BARD1: variants seen among roughly 807,000 people sequenced by gnomAD.
The protein encoded by BARD1 is BRCA1-associated RING domain protein 1.
In BARD1, 73 loss-of-function variants were observed where a neutral mutation model predicts 77.0. That is an observed-to-expected ratio of 0.95 (90% CI 0.79 to 1.15). The LOEUF is 1.15. Among genes scored for constraint, BARD1 ranks in the 50% most tolerant of loss-of-function variants. The pLI is 0.00. For missense variants in BARD1, 993 were observed against 938.8 expected, an observed-to-expected ratio of 1.06 and a Z score of -0.75; for synonymous variants, 384 against 338.0, an observed-to-expected ratio of 1.14 and a Z score of -1.49.
rs201798163 is a variant in BARD1, at chr2:214,792,367, A to G, written c.294T>C (p.Asn98=). 1 of 1,612,926 alleles carries G rather than the reference A, an allele frequency of 6.2e-7. No homozygotes were observed. Among genetic ancestry groups the G allele is most frequent in the Non-Finnish European group, 8.5e-7 (1 of 1,179,676 alleles). Residue 98 remains asparagine, a synonymous_variant, in exon 3 of 11, where the codon AAT becomes AAC. Transcript: ENST00000260947. ...TPAWIQDLKI[N]RQLDSMIQLC... ...GTTGAATCATGCTGTCCAGTTGTCT[A>G]TTTATCTTCAAGTCTTGTATCCAGG...
intron 6 of BARD1, among the ~76,000 whole-genome samples, chr2:214,766,310 C>T (rs1694191801): frequency 1.3e-5 from 2 of 152,088 alleles, no homozygotes; most frequent in South Asian, 4.1e-4. Flanking sequence ...AATTCAACTG[C>T]CCCGGCCCAA....
In BARD1 at chr2:214,726,844, G is replaced by A. The variant is rs1692105531; in HGVS notation, c.*1832C>T. 4.4e-6 allele frequency: 1 copy of A among 228,514 alleles called. No homozygotes were observed. The allele number at this position is 228,514 out of a possible 1,614,324, so 14.2% of individuals were successfully genotyped here. On this transcript the variant is annotated 3_prime_UTR_variant, in exon 11 of 11. Transcript: ENST00000260947. ...GGAAAAACAACAAAAAGAAGGGAGG[G>A]GTGATAAACCAAGAAAATGAATGAC...
chr2:214,739,603 CTTAAG>C (rs1176078548), intron 9 of BARD1, among the ~76,000 whole-genome samples: 1 of 151,862 alleles, frequency 6.6e-6, no homozygotes, highest in African/African-American at 2.4e-5. Flanking sequence ...TTTTGGAAAA[CTTAAG>C]TAAAAGAACA....
intron 1 of BARD1, among the ~76,000 whole-genome samples, chr2:214,798,119 C>T (rs533728179): frequency 2.6e-5 from 4 of 152,152 alleles, no homozygotes; most frequent in South Asian, 2.1e-4. Context: ...TCAATAAAAA[C>T]AATTCTTCAC....
Position 214,728,776 on chromosome 2 carries a change from T to G in BARD1, c.2234A>C (p.Tyr745Ser), listed in dbSNP as rs1692201900. 1 of 1,614,198 alleles carries G rather than the reference T, an allele frequency of 6.2e-7. No individual in the cohort carries two copies. Among genetic ancestry groups the G allele is most frequent in the Non-Finnish European group, 8.5e-7 (1 of 1,180,026 alleles). ...GCCCTGCCGAACCCTCTCTGGGTGA[T>G]AATTACACAAATCTTCATAGATGAT... ...QYIIYEDLCNYHPERVRQGKV... is the reference protein window; with the variant it reads ...QYIIYEDLCNSHPERVRQGKV... Residue 745 changes from tyrosine to serine, a missense_variant, in exon 11 of 11, where the codon TAT (tyrosine) becomes TCT (serine). Physicochemically the swap from Tyr to Ser is moderately radical, Grantham distance 144 (BLOSUM62 -2). Transcript: ENST00000260947.
Position 214,727,719 on chromosome 2 carries a change from C to G in BARD1, c.*957G>C, listed in dbSNP as rs1427841861. On this transcript the variant is annotated 3_prime_UTR_variant, in exon 11 of 11. Coordinates refer to ENST00000260947, the MANE Select transcript of BARD1 (RefSeq NM_000465.4). ...TTGTAAATCAAGTAATCACCAACTTCTGCCTCCATGCCAACCTAAAAACTT... is the reference window on the plus strand; with the variant it reads ...TTGTAAATCAAGTAATCACCAACTTGTGCCTCCATGCCAACCTAAAAACTT... The G allele has an allele frequency of 4.4e-6, 1 of 228,860 alleles. No homozygotes were observed. Among genetic ancestry groups the G allele is most frequent in the Non-Finnish European group, 8.7e-6 (1 of 115,452 alleles). The allele number at this position is 228,860 out of a possible 1,614,324, so 14.2% of individuals were successfully genotyped here.
In BARD1 at chr2:214,781,200, T is replaced by C. The variant is rs769611057; in HGVS notation, c.674A>G (p.Glu225Gly). Reference sequence around the variant, plus strand: ...CTCTTTGGAGTCAAATTCACCATCTTCTTTTTCTGCCTCTAAATTCCATTT... The same window carrying C: ...CTCTTTGGAGTCAAATTCACCATCTCCTTTTTCTGCCTCTAAATTCCATTT... ...NQKWNLEAEK[E>G]DGEFDSKEES... The change falls in exon 4 of 11, where the codon GAA becomes GGA. Residue 225 changes from glutamate (E) to glycine (G), a missense_variant. Physicochemically the swap from Glu to Gly is moderately conservative, Grantham distance 98. Transcript: ENST00000260947. The C allele has an allele frequency of 1.3e-6, 2 of 1,590,388 alleles. No homozygotes were observed. The highest frequency in any genetic ancestry group is 1.2e-5 in the South Asian group (1 of 85,188).
intron 6 of BARD1, among the ~76,000 whole-genome samples, chr2:214,761,772 T>A (rs937108192): frequency 2.6e-5 from 4 of 152,216 alleles, no homozygotes; most frequent in Admixed American, 1.3e-4. Flanking sequence ...AATCTTTGTA[T>A]TTAATATGGA....
intron 1 of BARD1, among the ~76,000 whole-genome samples, chr2:214,808,192 G>T (rs1431375435): frequency 6.6e-6 from 1 of 152,150 alleles, no homozygotes; most frequent in Admixed American, 6.5e-5. Context: ...GGCGGATCAC[G>T]AGGTCAGGAG....
At chr2:214,769,480 G>T (rs147670282) in intron 4 of BARD1, among the ~76,000 whole-genome samples, 168 bp from the exon 5 acceptor site, 2 of 152,284 alleles carry the variant, frequency 1.3e-5, no homozygotes, top group South Asian at 4.1e-4. Flanking sequence ...GGTGGCTCAC[G>T]CCTGTAATCC....
Position 214,767,663 on chromosome 2 carries a change from A to AT in BARD1, c.1396-10dup, listed in dbSNP as rs2106077338. The stretch of plus-strand genomic sequence containing the variant: ...TGATTGCAAGCTTCATGCTAATTAA[A>AT]TTTTTTGAAAAAGAAGTGAAAGAAG... On this transcript the variant is annotated splice_polypyrimidine_tract_variant and intron_variant, in intron 5 of 10. Coordinates refer to ENST00000260947, the MANE Select transcript of BARD1 (RefSeq NM_000465.4). The AT allele has an allele frequency of 6.2e-7, 1 of 1,613,558 alleles. No homozygotes were observed. The highest frequency in any genetic ancestry group is 8.5e-7 in the Non-Finnish European group (1 of 1,179,720).
At position 214,730,467 on chromosome 2, in the gene BARD1, C is replaced by A. The variant is rs1355978938; in HGVS notation, c.1945G>T (p.Glu649Ter). 6 of 1,613,838 alleles carry A rather than the reference C, an allele frequency of 3.7e-6. No individual in the cohort carries two copies. The highest frequency in any genetic ancestry group is 3.4e-6 in the Non-Finnish European group (4 of 1,179,978). ...GGACCTTCAGGAATTTCATACTTTT[C>A]TTCCTGTTCACATACTTTTCTTCGT... is the stretch of plus-strand genomic sequence containing the variant. ...CLRRKVCEQEEKYEIPEGPRR... is the reference protein window; with the variant it reads ...CLRRKVCEQE The change falls in exon 10 of 11, where the codon GAA (glutamate) becomes TAA (stop). Residue 649 changes from glutamate to a stop codon, truncating the protein, a stop_gained. Coordinates refer to ENST00000260947, the MANE Select transcript of BARD1 (RefSeq NM_000465.4). LOFTEE classifies it high-confidence loss of function.
At chr2:214,788,793 G>A (rs1695391850) in intron 3 of BARD1, among the ~76,000 whole-genome samples, 1 of 151,964 alleles carries the variant, frequency 6.6e-6, no homozygotes, top group Admixed American at 6.6e-5. Context: ...ACTGTCATTT[G>A]TCCCCAACTA....
chr2:214,751,330 G>T (rs550044169), intron 7 of BARD1, among the ~76,000 whole-genome samples: 4 of 149,898 alleles, frequency 2.7e-5, no homozygotes, highest in Non-Finnish European at 4.5e-5. Context: ...GCTAATTTTT[G>T]TATTTTTCAT....
intron 4 of BARD1, among the ~76,000 whole-genome samples, chr2:214,772,337 C>A: frequency 6.6e-6 from 1 of 151,994 alleles, no homozygotes; most frequent in Non-Finnish European, 1.5e-5. Flanking sequence ...AATCCTGTAA[C>A]AAGTGAGCAG....
At chr2:214,769,097 T>A in intron 5 of BARD1, 135 bp downstream of exon 5, 1 of 745,606 alleles carries the variant, frequency 1.3e-6, no homozygotes, top group Non-Finnish European at 2.2e-6. Flanking sequence ...CATGTTCTCA[T>A]ACTTGATGAA....
chr2:214,789,949 T>C (rs1695441028), intron 3 of BARD1, among the ~76,000 whole-genome samples: 1 of 152,146 alleles, frequency 6.6e-6, no homozygotes, highest in African/African-American at 2.4e-5. Flanking sequence ...AGTAGAATTA[T>C]CTCTCCAATC....
At chr2:214,805,521 TCA>T (rs1404818904) in intron 1 of BARD1, among the ~76,000 whole-genome samples, 1 of 152,180 alleles carries the variant, frequency 6.6e-6, no homozygotes, top group Non-Finnish European at 1.5e-5. Context: ...ATCCTTTATT[TCA>T]CAAATATTCA....
rs188400670 is a variant in BARD1, at chr2:214,728,438, A to C, written c.*238T>G. The C allele has an allele frequency of 3.7e-6, 2 of 533,842 alleles. No homozygotes were observed. The highest frequency in any genetic ancestry group is 3.8e-5 in the African/African-American group (2 of 52,946). The allele number at this position is 533,842 out of a possible 1,614,324, so 33.1% of individuals were successfully genotyped here. A position where few individuals can be genotyped will look rare whatever the true frequency, so the allele number is the denominator to read the frequency against. On this transcript the variant is annotated 3_prime_UTR_variant, in exon 11 of 11. Transcript: ENST00000260947. ...CCAATAATCTGAATAGAAAGACATG[A>C]TAAATCAAAAACATGCCAATTTTAA...
Sources: gnomAD v4.1 joint callset for allele counts (sites outside exome capture counted in the v4.1 genomes callset) on GRCh38, gnomAD v4.1.1 for gene constraint, MANE v1.5 for transcripts, NCBI Gene and HGNC (gene_info 2026-07-23, HGNC 2026-07-21) for gene names.